Variants in DDAH1 observed in about 807,000 individuals in gnomAD.
The protein encoded by DDAH1 is N(G),N(G)-dimethylarginine dimethylaminohydrolase 1.
Under a neutral mutation model 28.8 loss-of-function variants are expected in DDAH1, and 19 were observed. The observed-to-expected ratio is 0.66, with a 90% CI of 0.46 to 0.97. DDAH1 has a LOEUF of 0.97. Among genes scored for constraint, DDAH1 ranks in the 50% least tolerant of loss-of-function variants. The probability of loss-of-function intolerance (pLI) is 0.00; values close to 1 mark genes in which losing one functional copy is unlikely to be tolerated. For synonymous variants in DDAH1, 153 were observed against 154.4 expected (o/e 0.99, Z 0.07); for missense variants, 326 against 375.9 (o/e 0.87, Z 1.10).
intron 1 of DDAH1, among the ~76,000 whole-genome samples, chr1:85,410,049 G>A (rs1479506945): frequency 2.6e-5 from 4 of 152,164 alleles, no homozygotes; most frequent in Non-Finnish European, 4.4e-5. Flanking sequence ...GGGAGGCTGA[G>A]GCGGGAGGAT....
intron 1 of DDAH1, among the ~76,000 whole-genome samples, chr1:85,395,039 T>C (rs780159772): frequency 1.3e-5 from 2 of 152,176 alleles, no homozygotes; most frequent in Non-Finnish European, 2.9e-5. Context: ...TGTAATTCTA[T>C]ATGCAAAGTA....
At chr1:85,342,767 T>C (rs1648584514) in intron 4 of DDAH1, among the ~76,000 whole-genome samples, 1 of 152,214 alleles carries the variant, frequency 6.6e-6, no homozygotes, top group African/African-American at 2.4e-5. Flanking sequence ...TGGGCACTTT[T>C]GGAAGTTGCA....
intron 1 of DDAH1, chr1:85,496,333 C>A (rs1009882657): frequency 2.9e-6 from 1 of 347,368 alleles, no homozygotes; most frequent in Non-Finnish European, 4.0e-6. Flanking sequence ...ATTTTAATAC[C>A]TCTAATATAT....
At chr1:85,497,039 T>C (rs915625324) in intron 1 of DDAH1, among the ~76,000 whole-genome samples, 5 of 152,198 alleles carry the variant, frequency 3.3e-5, no homozygotes, top group African/African-American at 1.2e-4. Context: ...CAGAAAAAAA[T>C]AATTCTTATA....
At chr1:85,333,642 A>T (rs575539626) in intron 4 of DDAH1, among the ~76,000 whole-genome samples, 100 of 152,270 alleles carry the variant, frequency 6.6e-4, no homozygotes, top group Non-Finnish European at 1.2e-3. Context: ...TATAAAAAAG[A>T]ACCAAAGAGA....
At chr1:85,333,035 G>A (rs1647876457) in intron 4 of DDAH1, among the ~76,000 whole-genome samples, 1 of 152,202 alleles carries the variant, frequency 6.6e-6, no homozygotes, top group African/African-American at 2.4e-5. Flanking sequence ...CAGCCCTCTG[G>A]ACTTGCTAAC....
chr1:85,365,807 A>G (rs1270531075), intron 1 of DDAH1, among the ~76,000 whole-genome samples: 1 of 152,184 alleles, frequency 6.6e-6, no homozygotes. Flanking sequence ...TGTAAATATG[A>G]TGAAGATATC....
chr1:85,430,170 G>A (rs1457605331), intron 1 of DDAH1, among the ~76,000 whole-genome samples: 1 of 152,138 alleles, frequency 6.6e-6, no homozygotes, highest in Non-Finnish European at 1.5e-5. Flanking sequence ...TTTCCTCATT[G>A]CTTGTTTTTG....
chr1:85,464,803 G>C lies in DDAH1; in HGVS notation c.243C>G (p.Ala81=), dbSNP rs746174038. ...TGAGGGCCGTCTCCTCGCACACCAC[G>C]GCCACGTCCTCCACGAAGACGCAGT... The part of the protein sequence containing the change: ...LPDCVFVEDV[A]VVCEETALIT... Residue 81 remains alanine (A), a synonymous_variant, in exon 1 of 6, where the codon GCC becomes GCG. Coordinates refer to ENST00000284031, the MANE Select transcript of DDAH1 (RefSeq NM_012137.4). This position sits in a 1 kb window ranked among gnomAD's most constrained non-coding sequence, Gnocchi z 4.4. The C allele has an allele frequency of 2.5e-5, 40 of 1,586,140 alleles. No individual in the cohort carries two copies. In the African/African-American group the frequency reaches 3.0e-4, roughly 12 times the overall value.
intron 2 of DDAH1, among the ~76,000 whole-genome samples, chr1:85,491,998 T>C: frequency 6.6e-6 from 1 of 152,216 alleles, no homozygotes; most frequent in African/African-American, 2.4e-5. Context: ...CAGGTGCTGG[T>C]CTAACACTTA....
At chr1:85,404,026 A>G (rs1019296031) in intron 1 of DDAH1, among the ~76,000 whole-genome samples, 3 of 152,206 alleles carry the variant, frequency 2.0e-5, no homozygotes, top group African/African-American at 7.2e-5. Flanking sequence ...TTAAATCACA[A>G]CTATATTCCT....
At chr1:85,487,707 A>G (rs943904551) in intron 2 of DDAH1, among the ~76,000 whole-genome samples, 1 of 152,144 alleles carries the variant, frequency 6.6e-6, no homozygotes, top group Non-Finnish European at 1.5e-5. Context: ...CTTATTCTCT[A>G]TCTGCCTATC....
At chr1:85,547,534 G>A (rs917442640) in intron 1 of DDAH1, among the ~76,000 whole-genome samples, 19 of 152,132 alleles carry the variant, frequency 1.2e-4, no homozygotes, top group Admixed American at 4.6e-4. Context: ...GTCCTTTGCC[G>A]AACATCAAGC....
At chr1:85,483,834 A>C (rs1352841897) in intron 2 of DDAH1, among the ~76,000 whole-genome samples, 2 of 152,046 alleles carry the variant, frequency 1.3e-5, no homozygotes, top group African/African-American at 4.8e-5. Context: ...TCAGCCCAAC[A>C]CTCGCTCTGA....
chr1:85,512,946 A>G (rs1386739361), intron 1 of DDAH1, among the ~76,000 whole-genome samples: 1 of 152,228 alleles, frequency 6.6e-6, no homozygotes, highest in Non-Finnish European at 1.5e-5. Context: ...TACAGATTCA[A>G]TGCCATCCCC....
At chr1:85,380,332 A>G (rs543798338) in intron 1 of DDAH1, 3 of 152,350 alleles carry the variant, frequency 2.0e-5, no homozygotes, top group South Asian at 4.1e-4. Flanking sequence ...CAACTCAGTT[A>G]AATTCAGGTC....
At chr1:85,383,336 G>T (rs1046381510) in intron 1 of DDAH1, among the ~76,000 whole-genome samples, 27 of 152,166 alleles carry the variant, frequency 1.8e-4, no homozygotes, top group African/African-American at 6.5e-4. Context: ...AATAGCAAGA[G>T]AACTAGAATT....
At chr1:85,360,936 TACAA>T (rs944068029) in intron 1 of DDAH1, among the ~76,000 whole-genome samples, 1 of 152,230 alleles carries the variant, frequency 6.6e-6, no homozygotes, top group African/African-American at 2.4e-5. Context: ...ATCACATCTA[TACAA>T]ACAGTCATCA....
chr1:85,427,891 A>T (rs1653486815), intron 1 of DDAH1, among the ~76,000 whole-genome samples: 1 of 152,216 alleles, frequency 6.6e-6, no homozygotes, highest in African/African-American at 2.4e-5. Context: ...GAAAGGCTCC[A>T]GTCTGTCAGG....
Sources: gnomAD v4.1 joint callset for allele counts (sites outside exome capture counted in the v4.1 genomes callset) on GRCh38, gnomAD v4.1.1 for gene constraint, Gnocchi (gnomAD v3.1) non-coding constraint, MANE v1.5 for transcripts, NCBI Gene and HGNC (gene_info 2026-07-23, HGNC 2026-07-21) for gene names.